The following TMEM230 variants were observed in gnomAD, a reference collection of about 807,000 sequenced individuals.
TMEM230 encodes the protein transmembrane protein 230, also known as UPF0414 transmembrane protein C20orf30.
TMEM230 carries 10 observed loss-of-function variants against 15.8 expected under a neutral mutation model. The observed-to-expected ratio is 0.63, with a 90% CI of 0.39 to 1.07. The LOEUF is 1.07. TMEM230 is among the 50% of genes least tolerant of loss of function. The probability of loss-of-function intolerance (pLI) is 0.01; values close to 1 mark genes in which losing one functional copy is unlikely to be tolerated. For missense variants in TMEM230, 165 were observed against 193.3 expected, an observed-to-expected ratio of 0.85 and a Z score of 0.87; for synonymous variants, 67 against 76.9, an observed-to-expected ratio of 0.87 and a Z score of 0.68.
At chr20:5,066,831 G>T (rs573388973), downstream of TMEM230, among the ~76,000 whole-genome samples, 4 of 152,206 alleles carry the variant, frequency 2.6e-5, no homozygotes, top group East Asian at 5.8e-4. Context: ...AGGCAGGAGG[G>T]TGTTCATCCC....
chr20:5,082,113 C>T (rs1023123423), intron 3 of TMEM230, among the ~76,000 whole-genome samples: 1 of 151,760 alleles, frequency 6.6e-6, no homozygotes, highest in African/African-American at 2.4e-5. Context: ...TCTCAAATAG[C>T]TGACCTCAGG....
At chr20:5,070,749 C>A (rs2088796270) in intron 3 of TMEM230, among the ~76,000 whole-genome samples, 2 of 152,170 alleles carry the variant, frequency 1.3e-5, no homozygotes, top group Admixed American at 1.3e-4. Flanking sequence ...AATAACCTGG[C>A]AGATTTTGCT....
At chr20:5,069,066 TTAG>T (rs1461900901) in exon 4 of TMEM230, 1 of 864,784 alleles carries the variant, frequency 1.2e-6, no homozygotes, top group Non-Finnish European at 1.7e-6. Flanking sequence ...TATCCTGCTC[TTAG>T]TAGGAGAAGC....
downstream of TMEM230, among the ~76,000 whole-genome samples, chr20:5,097,098 T>G (rs2089685643): frequency 6.6e-6 from 1 of 152,148 alleles, no homozygotes; most frequent in African/African-American, 2.4e-5. Context: ...GAAAAGAACT[T>G]GGGGATAGGT....
chr20:5,089,265 T>A (rs1469190028), intron 3 of TMEM230, among the ~76,000 whole-genome samples: 1 of 151,698 alleles, frequency 6.6e-6, no homozygotes, highest in Non-Finnish European at 1.5e-5. Context: ...GTCCCAGCTA[T>A]TAGGGAGACT....
the TMEM230 span, among the ~76,000 whole-genome samples, chr20:5,063,149 G>A: frequency 6.6e-6 from 1 of 151,984 alleles, no homozygotes; most frequent in African/African-American, 2.4e-5. Flanking sequence ...GCAGTAACTG[G>A]GGAGGAGGAA....
At chr20:5,098,163 G>C (rs1281148622), downstream of TMEM230, among the ~76,000 whole-genome samples, 1 of 151,668 alleles carries the variant, frequency 6.6e-6, no homozygotes, top group Non-Finnish European at 1.5e-5. Context: ...TTTTAGTAGA[G>C]ATGGGGTTTC....
downstream of TMEM230, chr20:5,066,145 T>C (rs1297252515): frequency 2.6e-5 from 4 of 152,220 alleles, no homozygotes; most frequent in Non-Finnish European, 5.9e-5. Context: ...GGGTGATGCA[T>C]CATTGCCACC....
chr20:5,100,524 T>G lies in TMEM230; in HGVS notation c.*267A>C, dbSNP rs1443751290. On this transcript the variant is annotated 3_prime_UTR_variant, in exon 5 of 5. Transcript: ENST00000342308. ...CAGAGGGTGGTGGCAGGCAACACTT[T>G]TCCATTACAGAATAACCTCTATTCT... 1.3e-5 allele frequency: 15 copies of G among 1,174,182 alleles called. No individual in the cohort carries two copies. Among genetic ancestry groups the G allele is most frequent in the Non-Finnish European group, 1.6e-5 (15 of 947,126 alleles). 72.7% of individuals were successfully genotyped at this position (1,174,182 alleles called of 1,614,324 possible).
At chr20:5,081,246 C>T (rs936553724) in intron 3 of TMEM230, among the ~76,000 whole-genome samples, 3 of 152,132 alleles carry the variant, frequency 2.0e-5, no homozygotes, top group Non-Finnish European at 4.4e-5. Flanking sequence ...CCTAGAAGCC[C>T]AAAAAACTGC....
At chr20:5,071,226 C>G (rs574824060) in intron 3 of TMEM230, among the ~76,000 whole-genome samples, 3 of 152,232 alleles carry the variant, frequency 2.0e-5, no homozygotes, top group Admixed American at 1.3e-4. Context: ...TAAAGCAGGG[C>G]AGAGCCAATC....
At chr20:5,097,712 T>G (rs747833102), downstream of TMEM230, among the ~76,000 whole-genome samples, 3 of 152,014 alleles carry the variant, frequency 2.0e-5, no homozygotes, top group Admixed American at 6.6e-5. Flanking sequence ...CTAGGCTCAT[T>G]GCAACCTCCA....
downstream of TMEM230, chr20:5,067,409 TCA>T (rs1491462040): frequency 5.8e-4 from 43 of 73,804 alleles, no homozygotes; most frequent in African/African-American, 2.1e-3. Context: ...GTGTTTAGGC[TCA>T]TATATATATA....
intron 3 of TMEM230, among the ~76,000 whole-genome samples, chr20:5,076,385 C>CA (rs1370636707): frequency 6.6e-6 from 1 of 151,626 alleles, no homozygotes; most frequent in Non-Finnish European, 1.5e-5. Flanking sequence ...ACTAAAAATA[C>CA]AAAAAATTAC....
At chr20:5,104,375 C>CA (rs1225003811) in intron 4 of TMEM230, among the ~76,000 whole-genome samples, 14 of 151,528 alleles carry the variant, frequency 9.2e-5, no homozygotes, top group East Asian at 7.8e-4. Context: ...GGCTTTTATC[C>CA]AAAAAAAACG....
chr20:5,068,840 T>C (rs1039115456), exon 4 of TMEM230: 1 of 192,048 alleles, frequency 5.2e-6, no homozygotes, highest in Non-Finnish European at 1.1e-5. Context: ...AGTCCCTTTG[T>C]GAGAATATGA....
chr20:5,064,136 G>A (rs540706113), downstream of TMEM230, among the ~76,000 whole-genome samples: 10 of 152,036 alleles, frequency 6.6e-5, no homozygotes, highest in South Asian at 2.1e-4. Context: ...GTGTGGTAGC[G>A]CACACCTGTA....
chr20:5,091,215 G>A (rs2089496063), intron 3 of TMEM230, among the ~76,000 whole-genome samples: 1 of 151,974 alleles, frequency 6.6e-6, no homozygotes, highest in African/African-American at 2.4e-5. Flanking sequence ...TTTTGTTACT[G>A]TTTTACTGTT....
chr20:5,092,287 C>G (rs7271416), intron 3 of TMEM230, among the ~76,000 whole-genome samples: 1 of 152,102 alleles, frequency 6.6e-6, no homozygotes, highest in Non-Finnish European at 1.5e-5. Context: ...GAGGAGTCCT[C>G]GATCCTGGGC....
Sources: gnomAD v4.1 joint callset for allele counts (sites outside exome capture counted in the v4.1 genomes callset) on GRCh38, gnomAD v4.1.1 for gene constraint, MANE v1.5 for transcripts, NCBI Gene and HGNC (gene_info 2026-07-23, HGNC 2026-07-21) for gene names.